Variants in ITGB1 observed in about 807,000 individuals in gnomAD.
The protein encoded by ITGB1 is integrin beta-1.
ITGB1 carries 24 observed loss-of-function variants against 86.5 expected under a neutral mutation model. The ratio of observed to expected loss-of-function variants is 0.28; its 90% CI spans 0.20 to 0.39. ITGB1 has a LOEUF of 0.39. ITGB1 is among the 10% of genes least tolerant of loss of function. The pLI, the probability that ITGB1 is intolerant of heterozygous loss-of-function variation, is 1.00. For synonymous variants in ITGB1, 323 were observed against 316.8 expected (o/e 1.02, Z -0.21); for missense variants, 556 against 946.9 (o/e 0.59, Z 5.42).
rs764497906 is a variant in ITGB1 at position 32,935,521 on chromosome 10, C to G, written c.38G>C (p.Ser13Thr). Residue 13 changes from serine to threonine, a missense_variant, in exon 2 of 16, where the codon AGT becomes ACT. Ser to Thr is a moderately conservative substitution (Grantham distance 58). Around this residue, in one of 4 missense-constraint regions of ITGB1, gnomAD observed 183 missense variants for 263.9 expected, o/e 0.69. Transcript: ENST00000302278. ...TTGAGCAAACACACAGCAAACTGAA[C>G]TGATCAGTCCAATCCAGAAAATTGG... ...LQPIFWIGLI[S>T]SVCCVFAQTD... 7.4e-6 allele frequency: 12 copies of G among 1,613,458 alleles called. No individual in the cohort carries two copies. Among genetic ancestry groups the G allele is most frequent in the East Asian group, 2.2e-5 (1 of 44,886 alleles).
chr10:32,906,548 C>T (rs778200218), intron 15 of ITGB1: 8 of 199,206 alleles, frequency 4.0e-5, no homozygotes, highest in African/African-American at 7.2e-5. Context: ...TGATATCACA[C>T]CACTGCACTC....
intron 2 of ITGB1, among the ~76,000 whole-genome samples, chr10:32,935,161 C>T (rs749233597): frequency 1.3e-5 from 2 of 152,210 alleles, no homozygotes; most frequent in Non-Finnish European, 2.9e-5. Flanking sequence ...CCATTCTACA[C>T]ATTTATTTCA....
chr10:32,932,515 T>G lies in ITGB1; in HGVS notation c.153A>C (p.Ser51=). 1.3e-6 allele frequency: 2 copies of G among 1,591,820 alleles called. No individual in the cohort carries two copies. Among genetic ancestry groups the G allele is most frequent in the Non-Finnish European group, 1.7e-6 (2 of 1,159,870 alleles). ...AAAGGACTTGAGCAACCTTACTTAC[T>G]GAATTTGTGCACCACCCACAATTTG... ...AGPNCGWCTN[S]TFLQEGMPTS... The change falls in exon 3 of 16, where the codon TCA becomes TCC. Residue 51 remains serine (S), a splice_region_variant and synonymous_variant. Coordinates refer to ENST00000302278, the MANE Select transcript of ITGB1 (RefSeq NM_002211.4).
chr10:32,926,013 C>G lies in ITGB1; in HGVS notation c.644G>C (p.Ser215Thr). The change falls in exon 6 of 16, where the codon AGC (serine) becomes ACC (threonine). Residue 215 changes from serine (S) to threonine (T), a missense_variant. By Grantham distance (58) the Ser-to-Thr change is moderately conservative (BLOSUM62 1). Transcript: ENST00000302278. ...NPCTSEQNCTSPFSYKNVLSL... is the reference protein window; with the variant it reads ...NPCTSEQNCTTPFSYKNVLSL... ...GAGCACATTTTTGTAGCTAAATGGG[C>G]TGGTGCAGTTCTGTTCACTTGTGCA... 1 of 1,614,100 alleles carries G rather than the reference C, an allele frequency of 6.2e-7. No individual in the cohort carries two copies.
At chr10:32,940,440 C>T (rs184462728) in intron 1 of ITGB1, among the ~76,000 whole-genome samples, 27 of 152,224 alleles carry the variant, frequency 1.8e-4, no homozygotes, top group Admixed American at 9.2e-4. Flanking sequence ...AATTTAGATG[C>T]TATGCGTTTA....
rs547961982 is a variant in ITGB1 at position 32,910,210 on chromosome 10, A to G, written c.2164+13T>C. 34 of 1,570,174 alleles carry G rather than the reference A, an allele frequency of 2.2e-5. 1 individual carries two copies. The Admixed American group carries it at 5.4e-4, about 25-fold the overall frequency. On this transcript the variant is annotated intron_variant, in intron 14 of 15. Coordinates refer to ENST00000302278, the MANE Select transcript of ITGB1 (RefSeq NM_002211.4). ...AGATATGAAAAGAATGTCTGCAATC[A>G]TCGCATTTCTACCTGGATTCTCCAC...
chr10:32,947,089 C>T (rs910254940), intron 1 of ITGB1, among the ~76,000 whole-genome samples: 9 of 152,032 alleles, frequency 5.9e-5, no homozygotes, highest in African/African-American at 2.2e-4. Context: ...GCAATCCACC[C>T]ACCTCTGCCT....
chr10:32,958,019 GCCCCCA>G (rs1244667381), intron 1 of ITGB1, 120 bp downstream of exon 1: 2 of 57,788 alleles, frequency 3.5e-5, no homozygotes, highest in African/African-American at 1.3e-4. Context: ...CCCCGCCCCC[GCCCCCA>G]CCCCCACGCC....
chr10:32,908,253 G>A, intron 15 of ITGB1, 115 bp downstream of exon 15: 1 of 1,009,280 alleles, frequency 9.9e-7, no homozygotes, highest in African/African-American at 1.6e-5. Context: ...ACTTTTGGGG[G>A]AATAAAATAC....
rs199877926 is a variant in ITGB1 at position 32,901,265 on chromosome 10, G to A, written c.*305C>T. 3 of 243,874 alleles carry A rather than the reference G, an allele frequency of 1.2e-5. No homozygotes were observed. Among genetic ancestry groups the A allele is most frequent in the Middle Eastern group, 1.3e-3 (1 of 782 alleles). 15.1% of individuals were successfully genotyped at this position (243,874 alleles called of 1,614,324 possible). On this transcript the variant is annotated 3_prime_UTR_variant, in exon 16 of 16. Transcript: ENST00000302278. ...TACTTTAACTATTGCCCTTTCAATC[G>A]CTATAGAAATATCACTTAATCCAAT... is the stretch of plus-strand genomic sequence containing the variant.
intron 1 of ITGB1, among the ~76,000 whole-genome samples, chr10:32,949,919 C>T (rs1261079499): frequency 6.6e-6 from 1 of 151,996 alleles, no homozygotes. Flanking sequence ...AACAACTACA[C>T]TTTAGAAAAA....
At chr10:32,917,174 C>T (rs546084408) in intron 11 of ITGB1, among the ~76,000 whole-genome samples, 2 of 152,268 alleles carry the variant, frequency 1.3e-5, no homozygotes, top group East Asian at 3.9e-4. Flanking sequence ...TTCCTTACAC[C>T]TTATACAAAA....
At chr10:32,913,876 A>C (rs1166988174) in intron 11 of ITGB1, among the ~76,000 whole-genome samples, 1 of 152,204 alleles carries the variant, frequency 6.6e-6, no homozygotes. Flanking sequence ...AGATTCACCA[A>C]AGTTGAAATG....
intron 1 of ITGB1, among the ~76,000 whole-genome samples, chr10:32,944,318 G>A (rs2095025980): frequency 6.6e-6 from 1 of 152,260 alleles, no homozygotes; most frequent in Non-Finnish European, 1.5e-5. Context: ...AGCTGGCTGG[G>A]CCTGGGCGGC....
At chr10:32,917,104 T>G (rs573628612) in intron 11 of ITGB1, among the ~76,000 whole-genome samples, 130 of 152,340 alleles carry the variant, frequency 8.5e-4, no homozygotes, top group African/African-American at 2.7e-3. Context: ...GGATTCCCTA[T>G]TTAATAAATG....
intron 5 of ITGB1, 81 bp downstream of exon 5, chr10:32,928,013 C>A: frequency 1.2e-6 from 1 of 834,660 alleles, no homozygotes. Flanking sequence ...TTGTGAGTAA[C>A]AAAGGAATAA....
chr10:32,946,850 C>G (rs528716010), intron 1 of ITGB1, among the ~76,000 whole-genome samples: 134 of 108,320 alleles, frequency 1.2e-3, no homozygotes, highest in African/African-American at 3.7e-3. Flanking sequence ...ATAGTAAAGA[C>G]TTCTTTTTTT....
intron 11 of ITGB1, among the ~76,000 whole-genome samples, chr10:32,917,551 T>G (rs1006038028): frequency 2.0e-5 from 3 of 152,182 alleles, no homozygotes; most frequent in African/African-American, 7.2e-5. Flanking sequence ...CAGACACTTC[T>G]CAAAAGGAGA....
intron 1 of ITGB1, among the ~76,000 whole-genome samples, chr10:32,946,750 G>GC (rs2095031984): frequency 3.2e-4 from 2 of 6,320 alleles, no homozygotes; most frequent in Non-Finnish European, 7.7e-4. Flanking sequence ...ATGTATTTCT[G>GC]GGGGGGGGGG....
Sources: allele counts gnomAD v4.1 joint callset (sites outside exome capture counted in the v4.1 genomes callset), GRCh38; gene constraint gnomAD v4.1.1; regional missense constraint gnomAD v4.1.1; transcripts MANE v1.5; gene names NCBI Gene and HGNC (gene_info 2026-07-23, HGNC 2026-07-21).